Variants in CSMD1 observed in about 807,000 individuals in gnomAD.
CSMD1 encodes the protein CUB and sushi domain-containing protein 1.
A neutral mutation model predicts 417.5 loss-of-function variants in CSMD1; 213 were observed. That is an observed-to-expected ratio of 0.51 (90% CI 0.46 to 0.57). The LOEUF is 0.57. CSMD1 is among the 20% of genes least tolerant of loss of function. The probability of loss-of-function intolerance (pLI) is 0.00; values close to 1 mark genes in which losing one functional copy is unlikely to be tolerated. For synonymous variants in CSMD1, 2,862 were observed against 1,736.8 expected (o/e 1.65, Z -16.11); for missense variants, 6,923 against 4,529.7 (o/e 1.53, Z -15.17).
intron 3 of CSMD1, among the ~76,000 whole-genome samples, chr8:4,400,109 A>G (rs1804548286): frequency 6.6e-6 from 1 of 152,150 alleles, no homozygotes; most frequent in South Asian, 2.1e-4. Flanking sequence ...AAAATAGTGT[A>G]TACTCTCTGC....
chr8:3,426,566 A>T (rs545172989), intron 12 of CSMD1, among the ~76,000 whole-genome samples: 14 of 152,350 alleles, frequency 9.2e-5, no homozygotes, highest in African/African-American at 3.4e-4. Flanking sequence ...ACCAGGACAG[A>T]TGAAGATACA....
intron 3 of CSMD1, among the ~76,000 whole-genome samples, chr8:4,100,049 G>C (rs996492015): frequency 2.0e-5 from 3 of 152,096 alleles, no homozygotes; most frequent in African/African-American, 7.2e-5. Flanking sequence ...AATAACGTGA[G>C]CATGCACTTT....
At chr8:4,538,430 A>C (rs181901476) in intron 2 of CSMD1, among the ~76,000 whole-genome samples, 2 of 151,884 alleles carry the variant, frequency 1.3e-5, no homozygotes, top group Non-Finnish European at 2.9e-5. Context: ...ATCACCTGAG[A>C]TCAGGAGTTT....
chr8:3,246,432 C>T (rs182490121), intron 26 of CSMD1, among the ~76,000 whole-genome samples: 1 of 152,130 alleles, frequency 6.6e-6, no homozygotes, highest in African/African-American at 2.4e-5. Flanking sequence ...TTAAACTCTT[C>T]TATTCTCTGT....
At chr8:4,033,340 G>C (rs796664538) in intron 3 of CSMD1, among the ~76,000 whole-genome samples, 11 of 152,202 alleles carry the variant, frequency 7.2e-5, no homozygotes, top group African/African-American at 2.4e-4. Context: ...TACTTGGGAG[G>C]CTGAGGCAGG....
At chr8:4,207,837 C>G (rs560083893) in intron 3 of CSMD1, among the ~76,000 whole-genome samples, 6 of 152,164 alleles carry the variant, frequency 3.9e-5, no homozygotes, top group Admixed American at 2.6e-4. Flanking sequence ...AACCTCAGCC[C>G]TGGTGATGTC....
At position 3,439,390 on chromosome 8, in the gene CSMD1, T is replaced by C. The variant is rs2117054636; in HGVS notation, c.1561+29322A>G. ...AGCTCATTTTTGTCTTAAATTTCCC[T>C]GATAGCTAAAGGTGTTACACAGTGT... On this transcript the variant is annotated intron_variant, in intron 12 of 69. Transcript: ENST00000635120. Among the ~76,000 whole-genome samples, 3 of 146,356 alleles carry C rather than the reference T, an allele frequency of 2.0e-5. No individual in the cohort carries two copies. In the Middle Eastern group the frequency reaches 0.01, roughly 498 times the overall value.
chr8:4,580,373 T>A (rs991126081), intron 2 of CSMD1, among the ~76,000 whole-genome samples: 3 of 152,206 alleles, frequency 2.0e-5, no homozygotes, highest in Non-Finnish European at 4.4e-5. Flanking sequence ...ATCGCAGTGT[T>A]GACCATCTTC....
chr8:4,916,369 T>G (rs2117116640), intron 1 of CSMD1, among the ~76,000 whole-genome samples: 1 of 152,332 alleles, frequency 6.6e-6, no homozygotes, highest in African/African-American at 2.4e-5. Context: ...TTGAAAAAAG[T>G]ATTCTGGTTA....
chr8:3,949,326 G>A (rs568936185), intron 5 of CSMD1, among the ~76,000 whole-genome samples: 2 of 152,044 alleles, frequency 1.3e-5, no homozygotes, highest in Non-Finnish European at 2.9e-5. Context: ...CTGAAATGTT[G>A]TAGCCTCTGA....
At chr8:3,203,346 A>T (rs999853045) in intron 31 of CSMD1, among the ~76,000 whole-genome samples, 4 of 152,024 alleles carry the variant, frequency 2.6e-5, no homozygotes, top group African/African-American at 9.7e-5. Flanking sequence ...CAGTGAGCAA[A>T]CTCAATTGCC....
intron 11 of CSMD1, among the ~76,000 whole-genome samples, chr8:3,472,952 A>G (rs191060215): frequency 6.6e-6 from 1 of 151,790 alleles, no homozygotes; most frequent in Non-Finnish European, 1.5e-5. Flanking sequence ...CCCATTTCCA[A>G]CCTCTCAGCT....
chr8:4,462,852 G>C (rs1205291561), intron 2 of CSMD1, among the ~76,000 whole-genome samples: 1 of 152,058 alleles, frequency 6.6e-6, no homozygotes, highest in African/African-American at 2.4e-5. Flanking sequence ...AAGAAGTGCA[G>C]CTCAAACTCT....
chr8:4,450,484 A>C (rs1799075699), intron 2 of CSMD1, among the ~76,000 whole-genome samples: 1 of 152,054 alleles, frequency 6.6e-6, no homozygotes, highest in African/African-American at 2.4e-5. Flanking sequence ...AATTGACAAA[A>C]ATTATCTGCG....
intron 1 of CSMD1, among the ~76,000 whole-genome samples, chr8:4,878,956 C>T (rs1803222173): frequency 6.6e-6 from 1 of 151,548 alleles, no homozygotes; most frequent in Admixed American, 6.6e-5. Context: ...CCTGCCAAGG[C>T]ACAGTGAGAA....
chr8:4,945,861 G>C (rs1003317228), intron 1 of CSMD1, among the ~76,000 whole-genome samples: 2 of 152,120 alleles, frequency 1.3e-5, no homozygotes, highest in African/African-American at 4.8e-5. Context: ...AAACTAGCAG[G>C]ATTTGGCAGA....
intron 3 of CSMD1, among the ~76,000 whole-genome samples, chr8:4,357,591 A>T (rs983732408): frequency 9.9e-5 from 15 of 152,196 alleles, no homozygotes. Flanking sequence ...GCTTAGTATT[A>T]GTCCTTTAGG....
At chr8:4,973,404 G>A (rs1234599316) in intron 1 of CSMD1, among the ~76,000 whole-genome samples, 1 of 152,044 alleles carries the variant, frequency 6.6e-6, no homozygotes, top group East Asian at 1.9e-4. Context: ...CTATTTGCTT[G>A]TCCTGAAGCA....
chr8:4,541,400 C>G (rs945140028), intron 2 of CSMD1, among the ~76,000 whole-genome samples: 1 of 152,214 alleles, frequency 6.6e-6, no homozygotes, highest in Non-Finnish European at 1.5e-5. Context: ...TTTGTAAGCA[C>G]TGCCTTCACC....
Sources: allele counts gnomAD v4.1 joint callset (sites outside exome capture counted in the v4.1 genomes callset), GRCh38; gene constraint gnomAD v4.1.1; transcripts MANE v1.5; gene names NCBI Gene and HGNC (gene_info 2026-07-23, HGNC 2026-07-21).